The following C9 variants were observed in gnomAD, a reference collection of about 807,000 sequenced individuals.
C9 encodes the protein complement C9.
A neutral mutation model predicts 65.4 loss-of-function variants in C9; 63 were observed. That is an observed-to-expected ratio of 0.96 (90% CI 0.79 to 1.19). The LOEUF is 1.19. Ranked by LOEUF, C9 falls within the 50% of genes most tolerant of loss-of-function variation. The probability of loss-of-function intolerance (pLI) is 0.00; values close to 1 mark genes in which losing one functional copy is unlikely to be tolerated. For synonymous variants in C9, 229 were observed against 227.9 expected, an observed-to-expected ratio of 1.00 and a Z score of -0.04; for missense variants, 744 against 670.1, an observed-to-expected ratio of 1.11 and a Z score of -1.22.
intron 1 of C9, among the ~76,000 whole-genome samples, chr5:39,363,677 C>A (rs1479471478): frequency 6.6e-6 from 1 of 152,162 alleles, no homozygotes; most frequent in Non-Finnish European, 1.5e-5. Flanking sequence ...CCTCATGTGA[C>A]CCTAACCTCC....
intron 8 of C9, 99 bp from the exon 9 acceptor site, chr5:39,306,891 T>C: frequency 1.3e-6 from 1 of 777,576 alleles, no homozygotes; most frequent in Admixed American, 2.1e-5. Context: ...GTCCTTTTAG[T>C]AAAATACAGC....
Position 39,342,143 on chromosome 5 carries a change from C to T in C9, c.131G>A (p.Arg44Lys). Residue 44 changes from arginine (R) to lysine (K), a missense_variant, in exon 2 of 11, where the codon AGA becomes AAA. Transcript: ENST00000263408. Reference sequence around the variant, plus strand: ...TGACCATTCACTCCAGGGGCTCATTCTGCAGTCTATGTGTGATGCAGAGCC... The same window carrying T: ...TGACCATTCACTCCAGGGGCTCATTTTGCAGTCTATGTGTGATGCAGAGCC... ...SSGSASHIDC[R>K]MSPWSEWSQC... is the part of the protein sequence containing the mutation. 6.2e-7 allele frequency: 1 copy of T among 1,611,494 alleles called. No individual in the cohort carries two copies. The highest frequency in any genetic ancestry group is 1.3e-5 in the African/African-American group (1 of 74,984).
At chr5:39,336,874 T>G (rs1445005142) in intron 4 of C9, among the ~76,000 whole-genome samples, 1 of 151,902 alleles carries the variant, frequency 6.6e-6, no homozygotes, top group Non-Finnish European at 1.5e-5. Flanking sequence ...TGCTCCATTA[T>G]CTAAAAGTTG....
intron 5 of C9, among the ~76,000 whole-genome samples, chr5:39,328,475 C>A (rs368585456): frequency 1.3e-5 from 2 of 152,278 alleles, no homozygotes; most frequent in African/African-American, 4.8e-5. Flanking sequence ...GCATAATATT[C>A]TCTTTAGTGT....
At chr5:39,347,310 C>T (rs1754216867) in intron 1 of C9, among the ~76,000 whole-genome samples, 1 of 152,152 alleles carries the variant, frequency 6.6e-6, no homozygotes, top group South Asian at 2.1e-4. Context: ...AGCTGATAAG[C>T]AACTTCAGCA....
Position 39,299,584 on chromosome 5 carries a change from A to T in C9, c.1416+7033T>A, listed in dbSNP as rs537809313. The stretch of plus-strand genomic sequence containing the variant: ...GATGGATCTCAAATGTGTAACACTA[A>T]GTGAAAGAAGCCAAATTCAAAAAGT... On this transcript the variant is annotated intron_variant, in intron 9 of 10. Transcript: ENST00000263408. Among the ~76,000 whole-genome samples, 8 of 152,268 alleles carry T rather than the reference A, an allele frequency of 5.3e-5. No homozygotes were observed. The East Asian group carries it at 1.5e-3, about 29-fold the overall frequency.
At chr5:39,292,695 T>C (rs935485611) in intron 9 of C9, among the ~76,000 whole-genome samples, 1 of 151,242 alleles carries the variant, frequency 6.6e-6, no homozygotes. Context: ...GTATGTAAAA[T>C]ATACATACAC....
chr5:39,338,552 T>A (rs1754011096), intron 4 of C9, among the ~76,000 whole-genome samples: 1 of 152,198 alleles, frequency 6.6e-6, no homozygotes, highest in Non-Finnish European at 1.5e-5. Flanking sequence ...ATTATGCAAA[T>A]GAAAGTCGTC....
intron 5 of C9, among the ~76,000 whole-genome samples, chr5:39,316,632 A>T (rs995560385): frequency 4.6e-5 from 7 of 152,196 alleles, no homozygotes; most frequent in African/African-American, 1.7e-4. Context: ...TGTGCTGATG[A>T]TAATGGCTTC....
chr5:39,346,077 T>C (rs1436301665), intron 1 of C9, among the ~76,000 whole-genome samples: 2 of 152,084 alleles, frequency 1.3e-5, no homozygotes, highest in South Asian at 2.1e-4. Context: ...AGGAAAGATC[T>C]AAAATTGACA....
In C9 at chr5:39,342,135, G is replaced by C. The variant is rs1469653748; in HGVS notation, c.139C>G (p.Pro47Ala). The change falls in exon 2 of 11, where the codon CCC becomes GCC. Residue 47 changes from proline (P) to alanine (A), a missense_variant. Transcript: ENST00000263408. ...SASHIDCRMSPWSEWSQCDPC... is the reference protein window; with the variant it reads ...SASHIDCRMSAWSEWSQCDPC... ...TCGCATTGTGACCATTCACTCCAGGGGCTCATTCTGCAGTCTATGTGTGAT... is the reference window on the plus strand; with the variant it reads ...TCGCATTGTGACCATTCACTCCAGGCGCTCATTCTGCAGTCTATGTGTGAT... The C allele has an allele frequency of 1.2e-6, 2 of 1,610,054 alleles. No homozygotes were observed. The highest frequency in any genetic ancestry group is 2.7e-5 in the African/African-American group (2 of 74,798).
At chr5:39,293,506 G>A (rs1460796696) in intron 9 of C9, among the ~76,000 whole-genome samples, 2 of 151,866 alleles carry the variant, frequency 1.3e-5, no homozygotes, top group Non-Finnish European at 2.9e-5. Context: ...AATTCAGCAA[G>A]AAAATATAAC....
intron 9 of C9, among the ~76,000 whole-genome samples, chr5:39,306,402 A>G (rs981092268): frequency 6.6e-6 from 1 of 152,098 alleles, no homozygotes; most frequent in Admixed American, 6.6e-5. Context: ...AAAACATCCC[A>G]CACATAGTGA....
Position 39,293,658 on chromosome 5 carries a change from T to C in C9, c.1417-4707A>G, listed in dbSNP as rs542152768. Among the ~76,000 whole-genome samples, 654 of 151,886 alleles carry C rather than the reference T, an allele frequency of 4.3e-3. 3 individuals are homozygous for C. Among genetic ancestry groups the C allele is most frequent in the Non-Finnish European group, 6.4e-3 (437 of 67,898 alleles). On this transcript the variant is annotated intron_variant, in intron 9 of 10. Transcript: ENST00000263408. Reference sequence around the variant, plus strand: ...TGGAGAGATTATCTAAACAGAAAAATCAAAAATCCAAGAACACAGGATTTA... The same window carrying C: ...TGGAGAGATTATCTAAACAGAAAAACCAAAAATCCAAGAACACAGGATTTA...
intron 9 of C9, among the ~76,000 whole-genome samples, chr5:39,293,245 C>G (rs1386550885): frequency 6.6e-6 from 1 of 151,836 alleles, no homozygotes; most frequent in African/African-American, 2.4e-5. Context: ...CATTAAATTC[C>G]CCATTTAAGA....
chr5:39,320,252 A>G (rs1237900349), intron 5 of C9, among the ~76,000 whole-genome samples: 1 of 152,204 alleles, frequency 6.6e-6, no homozygotes, highest in Admixed American at 6.5e-5. Flanking sequence ...GAATACAGAC[A>G]GAAGACTAGA....
chr5:39,355,406 C>G (rs911888938), intron 1 of C9, among the ~76,000 whole-genome samples: 1 of 152,180 alleles, frequency 6.6e-6, no homozygotes, highest in Non-Finnish European at 1.5e-5. Context: ...ACCTCGTTGA[C>G]TATGTGTACA....
At chr5:39,292,466 C>T (rs1471783097) in intron 9 of C9, among the ~76,000 whole-genome samples, 2 of 151,160 alleles carry the variant, frequency 1.3e-5, no homozygotes, top group African/African-American at 4.9e-5. Context: ...CTAGCTAATG[C>T]ACACTAAAAG....
At chr5:39,326,750 T>A (rs1031584048) in intron 5 of C9, among the ~76,000 whole-genome samples, 1 of 152,186 alleles carries the variant, frequency 6.6e-6, no homozygotes, top group South Asian at 2.1e-4. Context: ...AATAACCAGG[T>A]ATGTAATAAG....
Sources: gnomAD v4.1 joint callset for allele counts (sites outside exome capture counted in the v4.1 genomes callset) on GRCh38, gnomAD v4.1.1 for gene constraint, MANE v1.5 for transcripts, NCBI Gene and HGNC (gene_info 2026-07-23, HGNC 2026-07-21) for gene names.